Variants in TNN observed in about 807,000 individuals in gnomAD.
TNN encodes the protein tenascin N, also known as tenascin-N.
TNN carries 122 observed loss-of-function variants against 134.4 expected under a neutral mutation model. The ratio of observed to expected loss-of-function variants is 0.91; its 90% CI spans 0.78 to 1.06. The LOEUF (loss-of-function observed/expected upper bound fraction) is 1.06, where lower values mean the gene tolerates loss of function less well. TNN is among the 50% of genes least tolerant of loss of function. The probability of loss-of-function intolerance (pLI) is 0.00; values close to 1 mark genes in which losing one functional copy is unlikely to be tolerated. For synonymous variants in TNN, 710 were observed against 670.3 expected (o/e 1.06, Z -0.91); for missense variants, 1,739 against 1,699.4 (o/e 1.02, Z -0.41).
intron 6 of TNN, among the ~76,000 whole-genome samples, chr1:175,091,569 TTATTTATTTA>T (rs1674447845): frequency 3.4e-5 from 5 of 147,444 alleles, no homozygotes; most frequent in Admixed American, 1.3e-4. Context: ...TTTTATTTAT[TTATTTATTTA>T]TTTATTTATT....
At chr1:175,076,466 G>A (rs1674041818) in intron 1 of TNN, among the ~76,000 whole-genome samples, 1 of 152,202 alleles carries the variant, frequency 6.6e-6, no homozygotes, top group South Asian at 2.1e-4. Flanking sequence ...GTAACACCAG[G>A]TCAACGCTCA....
chr1:175,128,264 T>C, intron 14 of TNN, 100 bp downstream of exon 14: 1 of 1,151,916 alleles, frequency 8.7e-7, no homozygotes, highest in Non-Finnish European at 1.2e-6. Flanking sequence ...TGCAGAACTA[T>C]TGATTTCTCT....
Position 175,127,036 on chromosome 1 carries a change from A to G in TNN, c.2996A>G (p.Gln999Arg). The change falls in exon 13 of 19, where the codon CAG (glutamine) becomes CGG (arginine). Residue 999 changes from glutamine (Q) to arginine (R), a missense_variant. Coordinates refer to ENST00000239462, the MANE Select transcript of TNN (RefSeq NM_022093.2). ...TTGACCTGGACGCCCCCCTCTGCTC[A>G]GATCCACGGCTACATTCTGACTTAC... ...GILTWTPPSA[Q>R]IHGYILTYQF... is the part of the protein sequence containing the mutation. The G allele has an allele frequency of 1.2e-6, 2 of 1,614,186 alleles. No homozygotes were observed. The highest frequency in any genetic ancestry group is 1.7e-6 in the Non-Finnish European group (2 of 1,180,020).
chr1:175,078,853 G>T lies in TNN; in HGVS notation c.410-480G>T, dbSNP rs1574140039. Among the ~76,000 whole-genome samples the T allele has an allele frequency of 2.6e-5, 4 of 152,220 alleles. No individual in the cohort carries two copies. In the South Asian group the frequency reaches 8.3e-4, roughly 32 times the overall value. Reference sequence around the variant, plus strand: ...TCCGTTTTTTCCAGACTTCAATCTGGGCTCATTTCACAAGGTCCCAGCCTT... The same window carrying T: ...TCCGTTTTTTCCAGACTTCAATCTGTGCTCATTTCACAAGGTCCCAGCCTT... On this transcript the variant is annotated intron_variant, in intron 2 of 18. Transcript: ENST00000239462.
At chr1:175,125,666 TCTCC>T (rs71725590) in intron 12 of TNN, among the ~76,000 whole-genome samples, 25,424 of 124,866 alleles carry the variant, frequency 0.2, 2,639 homozygotes, top group Non-Finnish European at 0.23. Context: ...TCCTTCCTTC[TCTCC>T]CTCCCTCCCT....
rs763435968 is a variant in TNN at position 175,147,078 on chromosome 1, G to A, written c.*7G>A. The A allele has an allele frequency of 1.9e-6, 3 of 1,565,378 alleles. No homozygotes were observed. The highest frequency in any genetic ancestry group is 2.6e-6 in the Non-Finnish European group (3 of 1,153,612). The stretch of plus-strand genomic sequence containing the variant: ...AAGGCTGCGAACGTTCTGATGGCCC[G>A]TGTGAGCAGTCCTCGCAGGAGACAC... On this transcript the variant is annotated 3_prime_UTR_variant, in exon 19 of 19. Coordinates refer to ENST00000239462, the MANE Select transcript of TNN (RefSeq NM_022093.2).
In TNN at chr1:175,117,134, A is replaced by G. The variant is rs1675206245; in HGVS notation, c.2315A>G (p.Glu772Gly). ...CTGACGGGCCTGAGGCCGGGTGTGG[A>G]GTACACGGTGCACGTGTGGGCCCAG... ...TVLTGLRPGV[E>G]YTVHVWAQKG... The change falls in exon 10 of 19, where the codon GAG (glutamate) becomes GGG (glycine). Residue 772 changes from glutamate to glycine, a missense_variant. Coordinates refer to ENST00000239462, the MANE Select transcript of TNN (RefSeq NM_022093.2). 1.9e-6 allele frequency: 3 copies of G among 1,614,274 alleles called. No homozygotes were observed. In the East Asian group the frequency reaches 6.7e-5, roughly 36 times the overall value.
At chr1:175,103,873 C>T (rs1402052164) in intron 9 of TNN, among the ~76,000 whole-genome samples, 1 of 145,374 alleles carries the variant, frequency 6.9e-6, no homozygotes, top group Non-Finnish European at 1.5e-5. Context: ...TGTAAGATTC[C>T]TACCTCTTTG....
intron 9 of TNN, among the ~76,000 whole-genome samples, 188 bp from the exon 10 acceptor site, chr1:175,116,751 C>T (rs1176068685): frequency 3.9e-5 from 6 of 152,220 alleles, no homozygotes; most frequent in South Asian, 2.1e-4. Flanking sequence ...CTCTCCTGTG[C>T]TGCCTTGTTG....
chr1:175,095,781 C>G (rs1461114354), intron 7 of TNN, among the ~76,000 whole-genome samples: 1 of 152,238 alleles, frequency 6.6e-6, no homozygotes, highest in East Asian at 1.9e-4. Context: ...ACTGTGTTCC[C>G]CAGGCTGGTC....
At chr1:175,085,257 T>A in intron 5 of TNN, 148 bp from the exon 6 acceptor site, 1 of 616,704 alleles carries the variant, frequency 1.6e-6, no homozygotes, top group Non-Finnish European at 3.0e-6. Flanking sequence ...CCTGCGGGGC[T>A]TTATTTGCCT....
intron 3 of TNN, 84 bp from the exon 4 acceptor site, chr1:175,080,079 C>A (rs1169609093): frequency 2.6e-6 from 4 of 1,558,468 alleles, no homozygotes; most frequent in Non-Finnish European, 2.6e-6. Flanking sequence ...GCACACCCAC[C>A]CTTATAGTGC....
chr1:175,099,948 G>C (rs1463645350), intron 9 of TNN, among the ~76,000 whole-genome samples: 2 of 152,070 alleles, frequency 1.3e-5, no homozygotes, highest in Non-Finnish European at 2.9e-5. Flanking sequence ...TGCCCCTCTA[G>C]GTGGTCCTCT....
intron 18 of TNN, among the ~76,000 whole-genome samples, chr1:175,146,562 G>A (rs991306893): frequency 1.3e-5 from 2 of 152,098 alleles, no homozygotes; most frequent in Non-Finnish European, 2.9e-5. Flanking sequence ...TTTTTGGAAA[G>A]GAAAAGAGTG....
intron 9 of TNN, among the ~76,000 whole-genome samples, chr1:175,114,279 G>T (rs1162831503): frequency 1.3e-5 from 2 of 152,172 alleles, no homozygotes; most frequent in African/African-American, 2.4e-5. Flanking sequence ...AGGTTCGGTG[G>T]TATAGTCTTT....
chr1:175,102,839 G>T (rs1387154845), intron 9 of TNN, among the ~76,000 whole-genome samples: 1 of 146,188 alleles, frequency 6.8e-6, no homozygotes, highest in Non-Finnish European at 1.5e-5. Context: ...AGGGCTCTGA[G>T]GACTGCCAGC....
intron 11 of TNN, 129 bp downstream of exon 11, chr1:175,118,953 T>C: frequency 3.1e-6 from 4 of 1,277,672 alleles, no homozygotes; most frequent in Non-Finnish European, 4.3e-6. Flanking sequence ...GAGAGTTTGC[T>C]GTAAAAACAA....
At chr1:175,103,609 G>A (rs757828761) in intron 9 of TNN, among the ~76,000 whole-genome samples, 3 of 144,140 alleles carry the variant, frequency 2.1e-5, no homozygotes, top group Non-Finnish European at 3.1e-5. Flanking sequence ...TTCTCTCTTC[G>A]ACTTCTTCTT....
chr1:175,075,416 C>G (rs1674017442), intron 1 of TNN, among the ~76,000 whole-genome samples: 1 of 152,100 alleles, frequency 6.6e-6, no homozygotes, highest in Non-Finnish European at 1.5e-5. Context: ...TCTATCTCAG[C>G]CTCCCAAGAA....
Sources: allele counts gnomAD v4.1 joint callset (sites outside exome capture counted in the v4.1 genomes callset), GRCh38; gene constraint gnomAD v4.1.1; transcripts MANE v1.5; gene names NCBI Gene and HGNC (gene_info 2026-07-23, HGNC 2026-07-21).